RERG: variants seen among roughly 807,000 people sequenced by gnomAD.
The protein encoded by RERG is ras-related and estrogen-regulated growth inhibitor.
In RERG, 25 loss-of-function variants were observed where a neutral mutation model predicts 23.2. That is an observed-to-expected ratio of 1.08 (90% CI 0.79 to 1.50). The LOEUF is 1.50. Ranked by LOEUF, RERG falls within the 40% of genes most tolerant of loss-of-function variation. RERG has a pLI of 0.00. For synonymous variants in RERG, 81 were observed against 89.1 expected (o/e 0.91, Z 0.51); for missense variants, 253 against 250.1 (o/e 1.01, Z -0.08).
intron 3 of RERG, chr12:15,114,419 CCAAAGTATA>C (rs962128867): frequency 1.3e-5 from 2 of 151,712 alleles, no homozygotes; most frequent in African/African-American, 4.8e-5. Flanking sequence ...AGAAATACGG[CCAAAGTATA>C]CAAAGAAGAA....
At chr12:15,122,302 C>A (rs1363794152) in intron 2 of RERG, among the ~76,000 whole-genome samples, 2 of 152,086 alleles carry the variant, frequency 1.3e-5, no homozygotes, top group African/African-American at 4.8e-5. Context: ...AAGGATACTC[C>A]TTGAAGAAAT....
chr12:15,133,146 GATATATATAT>G (rs376565973), intron 2 of RERG, among the ~76,000 whole-genome samples: 5 of 125,216 alleles, frequency 4.0e-5, no homozygotes, highest in Admixed American at 8.0e-5. Context: ...ATCCTGTGGA[GATATATATAT>G]ATATATATAT....
chr12:15,197,234 T>C (rs1489312090), intron 2 of RERG, among the ~76,000 whole-genome samples: 1 of 152,172 alleles, frequency 6.6e-6, no homozygotes, highest in African/African-American at 2.4e-5. Flanking sequence ...AGTCTGACTA[T>C]TGGATTATAA....
chr12:15,115,215 G>C (rs368890986), intron 3 of RERG, among the ~76,000 whole-genome samples: 1 of 152,138 alleles, frequency 6.6e-6, no homozygotes, highest in Admixed American at 6.5e-5. Context: ...TTGAACAACT[G>C]TTCTAAACAC....
rs1470505815 is a variant in RERG at position 15,217,438 on chromosome 12, C to T, written c.52G>A (p.Gly18Ser). 1.2e-5 allele frequency: 19 copies of T among 1,612,464 alleles called. No homozygotes were observed. The highest frequency in any genetic ancestry group is 1.4e-5 in the Non-Finnish European group (17 of 1,178,610). ...ACAACGAAAATCTTACCTGACTTGC[C>T]CACGCCTGCTCTCCCAAATATTGCC... ...KLAIFGRAGV[G>S]KSALVVRFLT... Residue 18 changes from glycine to serine, a missense_variant, in exon 2 of 5, where the codon GGC (glycine) becomes AGC (serine). By Grantham distance (56) the Gly-to-Ser change is moderately conservative (BLOSUM62 0). Coordinates refer to ENST00000256953, the MANE Select transcript of RERG (RefSeq NM_032918.3).
intron 2 of RERG, among the ~76,000 whole-genome samples, chr12:15,177,346 G>A (rs1429086294): frequency 6.6e-6 from 1 of 152,294 alleles, no homozygotes; most frequent in South Asian, 2.1e-4. Flanking sequence ...CCAGCTACAT[G>A]GGAGGGTGAG....
chr12:15,178,360 T>C (rs747254883), intron 2 of RERG, among the ~76,000 whole-genome samples: 22 of 152,142 alleles, frequency 1.4e-4, no homozygotes, highest in Admixed American at 2.0e-4. Context: ...GTTAAAAATA[T>C]GAATATGGAA....
At chr12:15,133,510 G>A (rs770213220) in intron 2 of RERG, among the ~76,000 whole-genome samples, 7 of 152,014 alleles carry the variant, frequency 4.6e-5, no homozygotes, top group Non-Finnish European at 7.4e-5. Context: ...AAACTTAGTT[G>A]CTTCCAAGAT....
chr12:15,141,176 G>GTTTTT (rs1864232758), intron 2 of RERG, among the ~76,000 whole-genome samples: 1 of 141,964 alleles, frequency 7.0e-6, no homozygotes. Flanking sequence ...TCTATTTTGA[G>GTTTTT]ATGGATTCTC....
chr12:15,176,357 C>T (rs1414198953), intron 2 of RERG, among the ~76,000 whole-genome samples: 1 of 152,008 alleles, frequency 6.6e-6, no homozygotes, highest in East Asian at 1.9e-4. Context: ...CACATATTTC[C>T]TCGTGTTATA....
intron 1 of RERG, among the ~76,000 whole-genome samples, chr12:15,219,850 A>T (rs934990826): frequency 1.3e-5 from 2 of 152,220 alleles, no homozygotes; most frequent in African/African-American, 2.4e-5. Context: ...AAAAATGACA[A>T]GTCACATTTT....
chr12:15,181,298 T>C (rs922990470), intron 2 of RERG, among the ~76,000 whole-genome samples: 2 of 152,206 alleles, frequency 1.3e-5, no homozygotes, highest in African/African-American at 4.8e-5. Flanking sequence ...CCAAACAATA[T>C]GTGAAATATT....
chr12:15,116,676 A>G (rs936762561), intron 3 of RERG, among the ~76,000 whole-genome samples: 7 of 152,120 alleles, frequency 4.6e-5, no homozygotes, highest in African/African-American at 1.4e-4. Flanking sequence ...CTCTACGTGT[A>G]AAACAATGGA....
At chr12:15,187,188 A>T (rs1028250074) in intron 2 of RERG, among the ~76,000 whole-genome samples, 23 of 152,112 alleles carry the variant, frequency 1.5e-4, no homozygotes, top group African/African-American at 5.6e-4. Flanking sequence ...TTTCAAGAGC[A>T]GAGGGGTAGA....
rs532142434 is a variant in RERG at position 15,119,813 on chromosome 12, C to A, written c.118+1250G>T. On this transcript the variant is annotated intron_variant, in intron 3 of 4. Coordinates refer to ENST00000256953, the MANE Select transcript of RERG (RefSeq NM_032918.3). ...CTCAAAGTAATTTATAGTTCTAGTA[C>A]AATTCTAATCAAAATCATGTCATAT... Among the ~76,000 whole-genome samples the A allele has an allele frequency of 3.3e-5, 5 of 152,228 alleles. No individual in the cohort carries two copies. In the East Asian group the frequency reaches 9.6e-4, roughly 29 times the overall value.
At chr12:15,150,415 T>C (rs182392399) in intron 2 of RERG, among the ~76,000 whole-genome samples, 94 of 152,302 alleles carry the variant, frequency 6.2e-4, no homozygotes, top group Non-Finnish European at 1.1e-3. Context: ...GGGCAAGTCA[T>C]TGGAGCTCTC....
chr12:15,135,368 T>C (rs1864126905), intron 2 of RERG, among the ~76,000 whole-genome samples: 1 of 147,210 alleles, frequency 6.8e-6, no homozygotes, highest in African/African-American at 2.5e-5. Flanking sequence ...CAAAGACAGT[T>C]ATATTTTTTT....
intron 2 of RERG, among the ~76,000 whole-genome samples, chr12:15,182,050 CT>C (rs1315061725): frequency 6.8e-6 from 1 of 147,744 alleles, no homozygotes; most frequent in Non-Finnish European, 1.5e-5. Context: ...AACTAATTAA[CT>C]TTTAACTTTT....
intron 2 of RERG, among the ~76,000 whole-genome samples, chr12:15,208,285 C>A (rs1437737727): frequency 6.6e-6 from 1 of 151,896 alleles, no homozygotes; most frequent in Non-Finnish European, 1.5e-5. Flanking sequence ...GTTGTATTTC[C>A]CTGGGGAACC....
Sources: gnomAD v4.1 joint callset for allele counts (sites outside exome capture counted in the v4.1 genomes callset) on GRCh38, gnomAD v4.1.1 for gene constraint, MANE v1.5 for transcripts, NCBI Gene and HGNC (gene_info 2026-07-23, HGNC 2026-07-21) for gene names.